Variants in CTBP2 observed in about 807,000 individuals in gnomAD.
CTBP2 encodes C-terminal-binding protein 2.
CTBP2 carries 30 observed loss-of-function variants against 80.3 expected under a neutral mutation model. That is an observed-to-expected ratio of 0.37 (90% confidence interval 0.28 to 0.51). The LOEUF is 0.51. Ranked by LOEUF, CTBP2 falls within the 20% of genes least tolerant of loss-of-function variation. The pLI, the probability that CTBP2 is intolerant of heterozygous loss-of-function variation, is 0.93. For synonymous variants in CTBP2, 594 were observed against 587.4 expected (o/e 1.01, Z -0.16); for missense variants, 1,212 against 1,375.3 (o/e 0.88, Z 1.88).
At chr10:125,018,529 A>G (rs1256285470) in intron 1 of CTBP2, among the ~76,000 whole-genome samples, 2 of 119,408 alleles carry the variant, frequency 1.7e-5, no homozygotes, top group African/African-American at 5.4e-5. Flanking sequence ...AACCAAAAAA[A>G]GCACCAGACC....
chr10:125,027,558 G>C lies in CTBP2; in HGVS notation c.202C>G (p.Pro68Ala), dbSNP rs371381446. 10 of 1,614,002 alleles carry C rather than the reference G, an allele frequency of 6.2e-6. No individual in the cohort carries two copies. In the African/African-American group the frequency reaches 8.0e-5, roughly 13 times the overall value. The change falls in exon 1 of 9, where the codon CCC becomes GCC. Residue 68 changes from proline (P) to alanine (A), a missense_variant. Transcript: ENST00000309035. ...TAAACGGCCTCCCGGTACAGGTAGGGCTCGGCGGCCACGGGCAGGGCAGCG... is the reference window on the plus strand; with the variant it reads ...TAAACGGCCTCCCGGTACAGGTAGGCCTCGGCGGCCACGGGCAGGGCAGCG...
chr10:125,059,974 C>A (rs1052060368), intron 2 of CTBP2, among the ~76,000 whole-genome samples: 1 of 152,186 alleles, frequency 6.6e-6, no homozygotes, highest in Admixed American at 6.5e-5. Context: ...GGGTTAGCCA[C>A]GAGTCTGACA....
chr10:125,060,455 T>A (rs1964731582), intron 2 of CTBP2, among the ~76,000 whole-genome samples: 1 of 142,402 alleles, frequency 7.0e-6, no homozygotes, highest in Admixed American at 7.4e-5. Flanking sequence ...GATATTCCAT[T>A]CCCCCCACGT....
chr10:125,130,296 C>T (rs1460138733), intron 1 of CTBP2, among the ~76,000 whole-genome samples: 1 of 152,102 alleles, frequency 6.6e-6, no homozygotes, highest in Non-Finnish European at 1.5e-5. Context: ...GATCCACGCA[C>T]CTCTGCCACC....
intron 1 of CTBP2, among the ~76,000 whole-genome samples, chr10:125,008,300 C>A (rs1036123058): frequency 2.6e-5 from 4 of 152,204 alleles, no homozygotes; most frequent in African/African-American, 7.2e-5. Context: ...TTTCCTGACA[C>A]CGTAGCAGTC....
rs377218938 is a variant in CTBP2 at position 125,091,372 on chromosome 10, T to C, written c.-102+19618A>G. On this transcript the variant is annotated intron_variant, in intron 2 of 10. Transcript: ENST00000337195. ...GTATCTGAGGACTGGGGAGGGAAGGTAATCAGCTCTGTCTTCGTAAATCTT... is the reference window on the plus strand; with the variant it reads ...GTATCTGAGGACTGGGGAGGGAAGGCAATCAGCTCTGTCTTCGTAAATCTT... Among the ~76,000 whole-genome samples, 48 of 152,288 alleles carry C rather than the reference T, an allele frequency of 3.2e-4. No homozygotes were observed. In the East Asian group the frequency reaches 5.8e-3, roughly 18 times the overall value.
chr10:125,131,171 C>T (rs939534390), intron 1 of CTBP2, among the ~76,000 whole-genome samples: 3 of 152,210 alleles, frequency 2.0e-5, no homozygotes, highest in Admixed American at 6.5e-5. Flanking sequence ...TGTCTGGGAA[C>T]GCCATGCTGG....
At chr10:125,014,439 G>A (rs765232772) in intron 1 of CTBP2, among the ~76,000 whole-genome samples, 29 of 152,232 alleles carry the variant, frequency 1.9e-4, no homozygotes, top group Non-Finnish European at 3.5e-4. Flanking sequence ...GTGACAGAGT[G>A]AGACTTGGCT....
intron 1 of CTBP2, among the ~76,000 whole-genome samples, chr10:125,111,535 C>T (rs1198037996): frequency 6.6e-6 from 1 of 152,268 alleles, no homozygotes; most frequent in African/African-American, 2.4e-5. Flanking sequence ...ATGCTGACAA[C>T]TGTTAATCTA....
At chr10:124,993,678 G>A (rs1429270921) in intron 6 of CTBP2, among the ~76,000 whole-genome samples, 177 bp downstream of exon 8, 13 of 152,180 alleles carry the variant, frequency 8.5e-5, no homozygotes, top group African/African-American at 3.1e-4. Flanking sequence ...GAAACTTCCA[G>A]CCCTTTTACA....
chr10:125,118,351 A>C (rs1434803181), intron 1 of CTBP2, among the ~76,000 whole-genome samples: 1 of 152,190 alleles, frequency 6.6e-6, no homozygotes, highest in African/African-American at 2.4e-5. Flanking sequence ...CAAGGGCGTG[A>C]GATGGGAGAA....
chr10:125,044,772 A>G (rs182943129), intron 2 of CTBP2, among the ~76,000 whole-genome samples: 1 of 152,344 alleles, frequency 6.6e-6, no homozygotes, highest in East Asian at 1.9e-4. Flanking sequence ...TCTCAAACTT[A>G]AAGCAACAGC....
At chr10:125,030,889 C>T (rs1322469468), upstream of CTBP2, among the ~76,000 whole-genome samples, 1 of 152,162 alleles carries the variant, frequency 6.6e-6, no homozygotes, top group East Asian at 1.9e-4. Context: ...ATTCCCTGAT[C>T]CTGCCTCCAC....
chr10:125,118,344 G>C (rs1853687814), intron 1 of CTBP2, among the ~76,000 whole-genome samples: 1 of 152,178 alleles, frequency 6.6e-6, no homozygotes, highest in Non-Finnish European at 1.5e-5. Flanking sequence ...AAATAAACAA[G>C]GGCGTGAGAT....
At chr10:125,159,348 G>A (rs909896336) in intron 1 of CTBP2, among the ~76,000 whole-genome samples, 3 of 147,922 alleles carry the variant, frequency 2.0e-5, no homozygotes, top group African/African-American at 7.4e-5. Context: ...CCCGGCGGCG[G>A]CGGGCGAGGA....
chr10:125,096,537 G>A (rs1025763020), intron 2 of CTBP2, among the ~76,000 whole-genome samples: 28 of 152,200 alleles, frequency 1.8e-4, no homozygotes, highest in Non-Finnish European at 1.5e-4. Context: ...CCTCCCTGCC[G>A]AAACAGTTAC....
At chr10:125,107,553 A>G (rs1039720903) in intron 2 of CTBP2, among the ~76,000 whole-genome samples, 6 of 152,240 alleles carry the variant, frequency 3.9e-5, no homozygotes, top group Non-Finnish European at 5.9e-5. Context: ...TGGAAAAAAG[A>G]TATCTGTCCT....
intron 2 of CTBP2, among the ~76,000 whole-genome samples, chr10:125,050,453 G>T (rs1962446924): frequency 6.6e-6 from 1 of 152,238 alleles, no homozygotes; most frequent in East Asian, 1.9e-4. Flanking sequence ...GTGGAAGACG[G>T]CTACGTAACG....
At chr10:125,025,942 T>C in intron 1 of CTBP2, 6 of 1,176,496 alleles carry the variant, frequency 5.1e-6, no homozygotes, top group Non-Finnish European at 7.2e-6. Context: ...GCCACAGTGC[T>C]GCGTCCTTCT....
Sources: gnomAD v4.1 joint callset for allele counts (sites outside exome capture counted in the v4.1 genomes callset) on GRCh38, gnomAD v4.1.1 for gene constraint, MANE v1.5 for transcripts, NCBI Gene and HGNC (gene_info 2026-07-23, HGNC 2026-07-21) for gene names.